The following WASHC4 variants were observed in gnomAD, a reference collection of about 807,000 sequenced individuals.
The protein encoded by WASHC4 is WASH complex subunit 7.
In WASHC4, 86 loss-of-function variants were observed where a neutral mutation model predicts 166.6. That is an observed-to-expected ratio of 0.52 (90% CI 0.43 to 0.62). WASHC4 has a LOEUF of 0.62. Ranked by LOEUF, WASHC4 falls within the 20% of genes least tolerant of loss-of-function variation. The pLI is 0.00. For synonymous variants in WASHC4, 446 were observed against 451.6 expected (o/e 0.99, Z 0.16); for missense variants, 1,262 against 1,382.4 (o/e 0.91, Z 1.38).
In WASHC4 at chr12:105,144,444, T is replaced by C. The variant is rs775943058; in HGVS notation, c.2168T>C (p.Ile723Thr). 2.5e-6 allele frequency: 4 copies of C among 1,613,326 alleles called. No individual in the cohort carries two copies. Among genetic ancestry groups the C allele is most frequent in the Non-Finnish European group, 3.4e-6 (4 of 1,179,464 alleles). Residue 723 changes from isoleucine to threonine, a missense_variant, in exon 21 of 33, where the codon ATT (isoleucine) becomes ACT (threonine). Transcript: ENST00000332180. ...CCAATTCGGTTTTTCAATCGTTTCATTGACATTCGGGGTGAGTGTTTTGCT... is the reference window on the plus strand; with the variant it reads ...CCAATTCGGTTTTTCAATCGTTTCACTGACATTCGGGGTGAGTGTTTTGCT... The part of the protein sequence containing the change: ...LNPIRFFNRF[I>T]DIRAYVTHYL...
At chr12:105,155,385 GC>G (rs1243095038) in intron 26 of WASHC4, among the ~76,000 whole-genome samples, 28 of 8,398 alleles carry the variant, frequency 3.3e-3, no homozygotes, top group African/African-American at 0.014. Context: ...AAGTGCAAAA[GC>G]CCTGATTCGT....
intron 6 of WASHC4, among the ~76,000 whole-genome samples, chr12:105,117,547 T>G (rs1880302779): frequency 6.6e-6 from 1 of 152,218 alleles, no homozygotes; most frequent in African/African-American, 2.4e-5. Context: ...CTATAACTAT[T>G]TAAAAATAAA....
At chr12:105,133,096 G>C (rs1020333204) in intron 13 of WASHC4, among the ~76,000 whole-genome samples, 1 of 151,892 alleles carries the variant, frequency 6.6e-6, no homozygotes, top group South Asian at 2.1e-4. Flanking sequence ...CTGTCTCTCT[G>C]AGTCAAAATC....
chr12:105,148,893 T>C (rs1237177931), intron 24 of WASHC4: 5 of 985,320 alleles, frequency 5.1e-6, no homozygotes, highest in African/African-American at 1.7e-5. Flanking sequence ...TACTGTGCTA[T>C]TTTGACTTTA....
chr12:105,122,295 A>G (rs1295400526), intron 10 of WASHC4, 57 bp downstream of exon 10: 7 of 1,555,980 alleles, frequency 4.5e-6, no homozygotes, highest in Non-Finnish European at 8.8e-7. Context: ...GACAAAGCTC[A>G]GAATTATAGT....
intron 27 of WASHC4, among the ~76,000 whole-genome samples, 197 bp downstream of exon 27, chr12:105,156,989 CTTAAG>C (rs760854860): frequency 1.1e-4 from 17 of 152,156 alleles, no homozygotes; most frequent in East Asian, 7.7e-4. Flanking sequence ...AAATATTTCT[CTTAAG>C]TTAATTTATC....
intron 19 of WASHC4, 69 bp downstream of exon 19, chr12:105,142,627 A>G (rs922504852): frequency 6.1e-6 from 5 of 825,462 alleles, no homozygotes; most frequent in African/African-American, 3.8e-5. Flanking sequence ...GTTTTAGTTT[A>G]AAATAGATCA....
chr12:105,116,770 G>C (rs552488513), intron 6 of WASHC4, among the ~76,000 whole-genome samples: 1 of 152,246 alleles, frequency 6.6e-6, no homozygotes. Context: ...ATTCAATATA[G>C]AGAATTGGTT....
intron 24 of WASHC4, chr12:105,149,100 G>A: frequency 1.0e-6 from 1 of 985,102 alleles, no homozygotes; most frequent in Non-Finnish European, 1.2e-6. Flanking sequence ...ACCATGTCTA[G>A]CATGGGAGAA....
chr12:105,115,762 T>C (rs750144938), intron 6 of WASHC4, 34 bp downstream of exon 6: 1 of 1,368,934 alleles, frequency 7.3e-7, no homozygotes, highest in South Asian at 1.2e-5. Context: ...GAGCTTTTAC[T>C]TCAAAAAGTT....
At chr12:105,115,251 G>T (rs199964303) in intron 5 of WASHC4, 22 bp downstream of exon 5, 1 of 1,464,276 alleles carries the variant, frequency 6.8e-7, no homozygotes, top group East Asian at 2.3e-5. Flanking sequence ...ATTCCAAATT[G>T]TGATGCCTTT....
Position 105,156,703 on chromosome 12 carries a change from GA to G in WASHC4, c.2759-22del, listed in dbSNP as rs764243896. The G allele has an allele frequency of 1.1e-5, 18 of 1,570,948 alleles. No individual in the cohort carries two copies. The South Asian group carries it at 2.0e-4, about 17-fold the overall frequency. On this transcript the variant is annotated intron_variant, in intron 26 of 32. Transcript: ENST00000332180. ...TTTAGAGTTATTTATATAAATATCT[GA>G]TTTTTTTGTGTGGTTTTTAAGGTAA...
chr12:105,124,841 G>A (rs1488613513), intron 10 of WASHC4, among the ~76,000 whole-genome samples: 1 of 152,192 alleles, frequency 6.6e-6, no homozygotes, highest in Non-Finnish European at 1.5e-5. Context: ...CCCAGGGAAT[G>A]TAATTTGGGT....
intron 1 of WASHC4, among the ~76,000 whole-genome samples, chr12:105,110,177 T>C (rs1470591335): frequency 6.6e-6 from 1 of 152,246 alleles, no homozygotes; most frequent in African/African-American, 2.4e-5. Flanking sequence ...TTTAAAACTT[T>C]ATGTGGTTGA....
chr12:105,150,260 T>C (rs1357230150), intron 25 of WASHC4, among the ~76,000 whole-genome samples: 2 of 151,474 alleles, frequency 1.3e-5, no homozygotes, highest in Non-Finnish European at 2.9e-5. Context: ...TCATAACTTA[T>C]TTAACCTTCT....
intron 13 of WASHC4, among the ~76,000 whole-genome samples, chr12:105,129,045 A>G (rs1881552136): frequency 6.7e-6 from 1 of 150,158 alleles, no homozygotes; most frequent in Admixed American, 6.7e-5. Flanking sequence ...TCCTGGGTTC[A>G]TGTGATTTTC....
rs1226063772 is a variant in WASHC4 at position 105,144,472 on chromosome 12, CCTT to C, written c.2179+21_2179+23del. ...ACATTCGGGGTGAGTGTTTTGCTTT[CCTT>C]CTTAGAGTCATATTCTCTTTTTTTT... On this transcript the variant is annotated intron_variant, in intron 21 of 32. Transcript: ENST00000332180. 2 of 1,597,510 alleles carry C rather than the reference CCTT, an allele frequency of 1.3e-6. No individual in the cohort carries two copies. Among genetic ancestry groups the C allele is most frequent in the East Asian group, 2.2e-5 (1 of 44,730 alleles).
chr12:105,118,665 G>A, intron 7 of WASHC4, 137 bp downstream of exon 7: 2 of 701,332 alleles, frequency 2.9e-6, no homozygotes, highest in Non-Finnish European at 5.2e-6. Flanking sequence ...ACTACTTGAT[G>A]TGTATCATAC....
In WASHC4 at chr12:105,145,772, A is replaced by T. The variant is rs74241102; in HGVS notation, c.2335-680A>T. Among the ~76,000 whole-genome samples the T allele has an allele frequency of 2.9e-3, 435 of 152,236 alleles. 18 individuals carry two copies. In the East Asian group the frequency reaches 0.072, roughly 25 times the overall value. On this transcript the variant is annotated intron_variant, in intron 22 of 32. Transcript: ENST00000332180. ...CTCCTTTGAGCTCTAATTAGAAAAA[A>T]CTATGGAACAGTTTATATGATACCA...
Sources: allele counts gnomAD v4.1 joint callset (sites outside exome capture counted in the v4.1 genomes callset), GRCh38; gene constraint gnomAD v4.1.1; transcripts MANE v1.5; gene names NCBI Gene and HGNC (gene_info 2026-07-23, HGNC 2026-07-21).